Variants in MBNL1 observed in about 807,000 individuals in gnomAD.
MBNL1 encodes the protein muscleblind like splicing regulator 1.
Under a neutral mutation model 42.2 loss-of-function variants are expected in MBNL1, and 8 were observed. That is an observed-to-expected ratio of 0.19 (90% CI 0.11 to 0.34). The LOEUF is 0.34. MBNL1 is among the 10% of genes least tolerant of loss of function. The pLI is 1.00. For missense variants in MBNL1, 309 were observed against 495.3 expected (o/e 0.62, Z 3.57); for synonymous variants, 169 against 173.9 (o/e 0.97, Z 0.22).
At chr3:152,430,627 C>G (rs1447115639) in intron 3 of MBNL1, among the ~76,000 whole-genome samples, 1 of 150,486 alleles carries the variant, frequency 6.6e-6, no homozygotes. Context: ...GAATAGAAAT[C>G]CAAGTTCAAC....
intron 2 of MBNL1, among the ~76,000 whole-genome samples, chr3:152,260,259 T>C (rs559970549): frequency 2.0e-5 from 3 of 152,292 alleles, no homozygotes; most frequent in Middle Eastern, 6.8e-3. Flanking sequence ...GAGGGCTCGA[T>C]GGAATCAGGC....
intron 6 of MBNL1, among the ~76,000 whole-genome samples, chr3:152,452,364 AG>A (rs1202994891): frequency 3.9e-5 from 6 of 152,226 alleles, no homozygotes; most frequent in African/African-American, 1.4e-4. Context: ...GAGAAATAAC[AG>A]GCATTACTGG....
At chr3:152,391,347 A>G (rs1301673721) in intron 2 of MBNL1, among the ~76,000 whole-genome samples, 1 of 152,248 alleles carries the variant, frequency 6.6e-6, no homozygotes, top group Non-Finnish European at 1.5e-5. Context: ...TGAAATCTTC[A>G]TAGCAAGGAC....
chr3:152,292,726 A>C (rs1335327159), intron 1 of MBNL1, among the ~76,000 whole-genome samples: 1 of 151,522 alleles, frequency 6.6e-6, no homozygotes, highest in African/African-American at 2.4e-5. Flanking sequence ...ATTTGTGTGT[A>C]TATGTATCTA....
chr3:152,343,554 G>A (rs746532853), intron 2 of MBNL1, among the ~76,000 whole-genome samples: 3 of 152,076 alleles, frequency 2.0e-5, no homozygotes, highest in Admixed American at 6.6e-5. Context: ...ATCCAGAAAC[G>A]GTACAGAAGA....
chr3:152,392,006 T>A (rs1363876659), intron 2 of MBNL1, among the ~76,000 whole-genome samples: 1 of 152,182 alleles, frequency 6.6e-6, no homozygotes. Context: ...ATCAATAAAT[T>A]GCAAACTGTC....
At chr3:152,265,406 G>GTGTGTGTGTGTGTGTGTGTGTGTGTGTT (rs2037059750), upstream of MBNL1, 3 of 152,038 alleles carry the variant, frequency 2.0e-5, no homozygotes, top group Admixed American at 2.0e-4. Context: ...GTGTGTGTGT[G>GTGTGTGTGTGTGTGTGTGTGTGTGTGTT]TGTGTGTGTG....
intron 2 of MBNL1, among the ~76,000 whole-genome samples, chr3:152,330,031 A>ATG (rs2083289185): frequency 6.6e-6 from 1 of 152,014 alleles, no homozygotes; most frequent in African/African-American, 2.4e-5. Context: ...GTGTATGTTC[A>ATG]TGTGTGTGTA....
intron 2 of MBNL1, among the ~76,000 whole-genome samples, chr3:152,399,810 T>C (rs769115228): frequency 5.3e-5 from 8 of 152,170 alleles, no homozygotes; most frequent in Non-Finnish European, 1.0e-4. Flanking sequence ...CCCATTCTTA[T>C]TTAATTTTTG....
chr3:152,273,431 A>T (rs573216993), intron 1 of MBNL1, among the ~76,000 whole-genome samples: 48 of 152,338 alleles, frequency 3.2e-4, no homozygotes, highest in Non-Finnish European at 1.3e-4. Context: ...TAACAGATCC[A>T]GAACATCTCT....
At chr3:152,332,206 G>A (rs1367818643) in intron 2 of MBNL1, among the ~76,000 whole-genome samples, 2 of 152,170 alleles carry the variant, frequency 1.3e-5, no homozygotes, top group East Asian at 3.9e-4. Context: ...TAATGCCAAG[G>A]TCAGAAAAAT....
At chr3:152,277,207 A>C (rs1037718644) in intron 1 of MBNL1, among the ~76,000 whole-genome samples, 4 of 152,192 alleles carry the variant, frequency 2.6e-5, no homozygotes, top group Non-Finnish European at 5.9e-5. Context: ...CTTTCAAAGC[A>C]CTGGATGGTG....
intron 2 of MBNL1, among the ~76,000 whole-genome samples, chr3:152,380,511 A>G (rs1268058754): frequency 6.6e-6 from 1 of 152,220 alleles, no homozygotes; most frequent in South Asian, 2.1e-4. Context: ...GTAAGCCCCT[A>G]AAGAGGTATT....
rs574266617 is a variant in MBNL1 at position 152,326,265 on chromosome 3, TA to T, written c.174+25901del. 6.4e-4 allele frequency among the ~76,000 whole-genome samples: 97 copies of T among 152,312 alleles called. 1 individual carries two copies. The highest frequency in any genetic ancestry group is 2.3e-3 in the African/African-American group (94 of 41,578). ...GTTCTTCCATCATCCTTATTTTCTGTAAACTGAAAATTAGAGTCGAGTTTAA... is the reference window on the plus strand; with the variant it reads ...GTTCTTCCATCATCCTTATTTTCTGTAACTGAAAATTAGAGTCGAGTTTAA... On this transcript the variant is annotated intron_variant, in intron 2 of 9. Coordinates refer to ENST00000324210, the MANE Select transcript of MBNL1 (RefSeq NM_021038.5).
intron 2 of MBNL1, among the ~76,000 whole-genome samples, chr3:152,383,512 A>T (rs947088997): frequency 6.6e-6 from 1 of 152,054 alleles, no homozygotes; most frequent in East Asian, 1.9e-4. Flanking sequence ...TTACTGTTCC[A>T]TGAGTGTGGA....
At chr3:152,297,006 G>A (rs1389501393) in intron 1 of MBNL1, among the ~76,000 whole-genome samples, 1 of 152,180 alleles carries the variant, frequency 6.6e-6, no homozygotes, top group Non-Finnish European at 1.5e-5. Flanking sequence ...GCAGTATTAC[G>A]ATATGGATGG....
chr3:152,269,627 T>G (rs770144708), intron 1 of MBNL1: 1 of 403,212 alleles, frequency 2.5e-6, no homozygotes, highest in Admixed American at 2.6e-5. Context: ...TGGGCTGCCT[T>G]ATATGGAGAG....
chr3:152,275,235 T>C (rs1458779470), intron 1 of MBNL1, among the ~76,000 whole-genome samples: 2 of 152,170 alleles, frequency 1.3e-5, no homozygotes, highest in Admixed American at 1.3e-4. Context: ...CATAGGGCTT[T>C]CTGTGGGTAA....
At chr3:152,290,106 C>T (rs961840643) in intron 1 of MBNL1, among the ~76,000 whole-genome samples, 3 of 151,744 alleles carry the variant, frequency 2.0e-5, no homozygotes, top group Non-Finnish European at 4.4e-5. Context: ...TACAATTTTC[C>T]TGATTGAGGT....
Sources: gnomAD v4.1 joint callset for allele counts (sites outside exome capture counted in the v4.1 genomes callset) on GRCh38, gnomAD v4.1.1 for gene constraint, MANE v1.5 for transcripts, NCBI Gene and HGNC (gene_info 2026-07-23, HGNC 2026-07-21) for gene names.